PDXDC1: variants seen among roughly 807,000 people sequenced by gnomAD.
PDXDC1 encodes pyridoxal-dependent decarboxylase domain-containing protein 1.
Under a neutral mutation model 100.1 loss-of-function variants are expected in PDXDC1, and 42 were observed. That is an observed-to-expected ratio of 0.42 (90% CI 0.33 to 0.54). PDXDC1 has a LOEUF of 0.54. Among genes scored for constraint, PDXDC1 ranks in the 20% least tolerant of loss-of-function variants. The pLI, the probability that PDXDC1 is intolerant of heterozygous loss-of-function variation, is 0.10. For missense variants in PDXDC1, 636 were observed against 979.2 expected, an observed-to-expected ratio of 0.65 and a Z score of 4.68; for synonymous variants, 260 against 371.7, an observed-to-expected ratio of 0.70 and a Z score of 3.46.
chr16:15,152,160 A>G, the PDXDC1 span, among the ~76,000 whole-genome samples: 9 of 133,618 alleles, frequency 6.7e-5, no homozygotes, highest in Non-Finnish European at 8.4e-5. Flanking sequence ...TGGCCTCAGA[A>G]GCCCCGGCTG....
chr16:15,135,626 G>A (rs547681199), intron 16 of PDXDC1: 11 of 1,561,076 alleles, frequency 7.0e-6, no homozygotes, highest in South Asian at 2.3e-5. Context: ...GGGGCATGGA[G>A]GACGGCCCTG....
downstream of PDXDC1, chr16:15,038,780 G>A (rs181909634): frequency 2.9e-4 from 196 of 671,924 alleles, no homozygotes; most frequent in African/African-American, 3.3e-3. Context: ...GTCCTTTCAT[G>A]CATTTATCTG....
downstream of PDXDC1, among the ~76,000 whole-genome samples, chr16:15,143,618 C>A (rs1352704082): frequency 6.6e-6 from 1 of 152,200 alleles, no homozygotes; most frequent in African/African-American, 2.4e-5. Context: ...TGGCAGGGCC[C>A]GGGAAGTCTT....
At chr16:15,063,706 A>AG (rs1344110625) in intron 16 of PDXDC1, among the ~76,000 whole-genome samples, 1 of 147,284 alleles carries the variant, frequency 6.8e-6, no homozygotes, top group African/African-American at 2.5e-5. Context: ...CTCTGTCTCA[A>AG]AAAAAAAAAA....
intron 17 of PDXDC1, chr16:15,032,590 G>T (rs1002285507): frequency 3.3e-6 from 1 of 300,662 alleles, no homozygotes; most frequent in African/African-American, 2.2e-5. Context: ...GGAGGTGGAG[G>T]TTGCAGTGAG....
intron 16 of PDXDC1, chr16:15,055,693 C>T: frequency 2.7e-6 from 1 of 372,070 alleles, no homozygotes; most frequent in Non-Finnish European, 4.8e-6. Context: ...CAGAGAGTGG[C>T]CTCCGGGGCA....
chr16:15,039,649 G>A (rs967927173), downstream of PDXDC1, among the ~76,000 whole-genome samples: 21 of 152,186 alleles, frequency 1.4e-4, no homozygotes, highest in African/African-American at 4.6e-4. Flanking sequence ...CTGCGTCCCA[G>A]TTCTCCTCTC....
intron 1 of PDXDC1, among the ~76,000 whole-genome samples, chr16:14,991,164 CT>C (rs1970696591): frequency 6.6e-6 from 1 of 152,262 alleles, no homozygotes; most frequent in African/African-American, 2.4e-5. Flanking sequence ...GTTTAAGCAT[CT>C]TGTCATTACA....
chr16:15,144,388 A>C, the PDXDC1 span, among the ~76,000 whole-genome samples: 2 of 151,978 alleles, frequency 1.3e-5, no homozygotes, highest in Admixed American at 1.3e-4. Context: ...TGCTCATTTG[A>C]AAAAAAACAG....
intron 16 of PDXDC1, among the ~76,000 whole-genome samples, chr16:15,078,725 G>A (rs999362079): frequency 1.3e-5 from 2 of 151,744 alleles, no homozygotes; most frequent in Admixed American, 6.6e-5. Context: ...GACTGCCTGT[G>A]AGTATTCTCT....
chr16:15,082,561 T>G (rs1382128277), intron 16 of PDXDC1, among the ~76,000 whole-genome samples: 2 of 151,962 alleles, frequency 1.3e-5, no homozygotes, highest in Non-Finnish European at 2.9e-5. Flanking sequence ...TAGTCCCACC[T>G]ACTCGGGAGG....
At chr16:15,049,854 T>C (rs2044229451) in intron 16 of PDXDC1, among the ~76,000 whole-genome samples, 2 of 152,224 alleles carry the variant, frequency 1.3e-5, no homozygotes, top group Non-Finnish European at 1.5e-5. Context: ...AAAAGAGTTT[T>C]GAAATGCTAA....
chr16:15,003,836 T>G (rs1432535520), intron 4 of PDXDC1, among the ~76,000 whole-genome samples: 1 of 152,178 alleles, frequency 6.6e-6, no homozygotes, highest in South Asian at 2.1e-4. Flanking sequence ...TACAAAAAAT[T>G]AGCCGGGCTT....
the PDXDC1 span, among the ~76,000 whole-genome samples, chr16:15,150,423 G>A: frequency 6.6e-6 from 1 of 151,076 alleles, no homozygotes; most frequent in Non-Finnish European, 1.5e-5. Flanking sequence ...CCAGCACTTC[G>A]GGAGGCCGAG....
chr16:15,050,430 C>T (rs1195341326), intron 16 of PDXDC1, among the ~76,000 whole-genome samples: 1 of 152,034 alleles, frequency 6.6e-6, no homozygotes, highest in Non-Finnish European at 1.5e-5. Flanking sequence ...GGTTAGCGCT[C>T]ACTTAATAAA....
At position 15,128,212 on chromosome 16, in the gene PDXDC1, C is replaced by A. The variant is rs748225146; in HGVS notation, c.1400-10667C>A. On this transcript the variant is annotated intron_variant, in intron 16 of 16. Transcript: ENST00000535621. ...GCAGAGGGGCAGAGCTTGGCAGGGT[C>A]CGCACAGACCTTTGTCGTGCCACAC... 18 of 1,611,018 alleles carry A rather than the reference C, an allele frequency of 1.1e-5. No individual in the cohort carries two copies. The Admixed American group carries it at 2.8e-4, about 25-fold the overall frequency.
At chr16:15,030,081 C>T in intron 16 of PDXDC1, 25 bp downstream of exon 16, 1 of 1,547,044 alleles carries the variant, frequency 6.5e-7, no homozygotes, top group South Asian at 1.2e-5. Context: ...GTGGACATCC[C>T]TTGCTTTTGT....
At position 15,037,198 on chromosome 16, in the gene PDXDC1, C is replaced by T. The variant is rs1163045186; in HGVS notation, c.*923C>T. Reference sequence around the variant, plus strand: ...CTCAGAAACAGGAGCCAGCAGAGCACTCTCTCACGCTGATCCAGCCGGGCA... The same window carrying T: ...CTCAGAAACAGGAGCCAGCAGAGCATTCTCTCACGCTGATCCAGCCGGGCA... On this transcript the variant is annotated 3_prime_UTR_variant, in exon 23 of 23. Coordinates refer to ENST00000396410, the MANE Select transcript of PDXDC1 (RefSeq NM_015027.4). 1 of 152,246 alleles carries T rather than the reference C, an allele frequency of 6.6e-6. No individual in the cohort carries two copies. The highest frequency in any genetic ancestry group is 1.5e-5 in the Non-Finnish European group (1 of 68,056). 9.4% of individuals were successfully genotyped at this position (152,246 alleles called of 1,614,324 possible).
chr16:14,974,745 C>T (rs1296518855), upstream of PDXDC1: 1 of 1,535,412 alleles, frequency 6.5e-7, no homozygotes, highest in Admixed American at 2.0e-5. Context: ...CTGTTCCATT[C>T]TCGAGGGATG....
Sources: allele counts gnomAD v4.1 joint callset (sites outside exome capture counted in the v4.1 genomes callset), GRCh38; gene constraint gnomAD v4.1.1; transcripts MANE v1.5; gene names NCBI Gene and HGNC (gene_info 2026-07-23, HGNC 2026-07-21).